The following KAZN variants were observed in gnomAD, a reference collection of about 807,000 sequenced individuals.
KAZN encodes the protein kazrin, periplakin interacting protein, also known as kazrin.
KAZN carries 40 observed loss-of-function variants against 87.4 expected under a neutral mutation model. The ratio of observed to expected loss-of-function variants is 0.46; its 90% CI spans 0.36 to 0.60. KAZN has a LOEUF of 0.60. Among genes scored for constraint, KAZN ranks in the 20% least tolerant of loss-of-function variants. The pLI is 0.00. For missense variants in KAZN, 898 were observed against 1,073.9 expected, an observed-to-expected ratio of 0.84 and a Z score of 2.29; for synonymous variants, 466 against 458.3, an observed-to-expected ratio of 1.02 and a Z score of -0.22.
chr1:14,569,405 C>CT (rs2148542050), intron 2 of KAZN, among the ~76,000 whole-genome samples: 1 of 139,488 alleles, frequency 7.2e-6, no homozygotes, highest in African/African-American at 2.6e-5. Flanking sequence ...TCACTGCAAT[C>CT]TCCGCCTCCC....
intron 2 of KAZN, among the ~76,000 whole-genome samples, chr1:15,006,108 A>C (rs553810693): frequency 4.8e-4 from 73 of 152,320 alleles, no homozygotes; most frequent in African/African-American, 1.7e-3. Flanking sequence ...TATTCTGCCA[A>C]ACCCACTCAC....
At chr1:14,132,375 G>A (rs189003682) in intron 1 of KAZN, among the ~76,000 whole-genome samples, 6 of 152,288 alleles carry the variant, frequency 3.9e-5, no homozygotes, top group East Asian at 3.9e-4. Flanking sequence ...CAGGGTCCTA[G>A]GAACTGGGTG....
intron 1 of KAZN, among the ~76,000 whole-genome samples, chr1:14,891,025 T>C (rs907666899): frequency 1.3e-5 from 2 of 150,792 alleles, no homozygotes; most frequent in Non-Finnish European, 2.9e-5. Context: ...TTTGTATTTT[T>C]AGTAGAGATG....
intron 2 of KAZN, among the ~76,000 whole-genome samples, chr1:14,584,048 T>C (rs1018663503): frequency 1.3e-5 from 2 of 152,148 alleles, no homozygotes; most frequent in African/African-American, 4.8e-5. Flanking sequence ...ATGTGTTGCG[T>C]GTGGACATGC....
intron 1 of KAZN, among the ~76,000 whole-genome samples, chr1:14,078,472 T>C (rs982203522): frequency 6.6e-6 from 1 of 152,236 alleles, no homozygotes; most frequent in African/African-American, 2.4e-5. Flanking sequence ...AAATCTGTCT[T>C]AGTCCATTTG....
chr1:14,176,128 G>A (rs6702418), intron 1 of KAZN, among the ~76,000 whole-genome samples: 17,520 of 152,170 alleles, frequency 0.12, 1,146 homozygotes, highest in East Asian at 0.34. Flanking sequence ...GTCACTTCTG[G>A]TTTAAAAGTG....
In KAZN at chr1:14,598,919, G is replaced by T; in HGVS notation, c.-79G>T. On this transcript the variant is annotated 5_prime_UTR_variant, in exon 1 of 15. Coordinates refer to ENST00000376030, the MANE Select transcript of KAZN (RefSeq NM_201628.3). This position sits in a 1 kb window ranked among gnomAD's most constrained non-coding sequence, Gnocchi z 4.2. ...CGCGGAGGACACAACAGGTAGAGCC[G>T]GGGGTGCCCGGCCGCGCGCCCCCCG... 1 of 1,550,722 alleles carries T rather than the reference G, an allele frequency of 6.4e-7. No individual in the cohort carries two copies. The highest frequency in any genetic ancestry group is 8.7e-7 in the Non-Finnish European group (1 of 1,153,628).
chr1:14,535,993 C>G (rs183993008), intron 2 of KAZN, among the ~76,000 whole-genome samples: 2 of 152,158 alleles, frequency 1.3e-5, no homozygotes, highest in African/African-American at 4.8e-5. Flanking sequence ...CTCTCTGGGG[C>G]AGCCAAAGCA....
intron 2 of KAZN, among the ~76,000 whole-genome samples, chr1:14,551,930 A>G (rs1673549109): frequency 6.6e-6 from 1 of 151,852 alleles, no homozygotes; most frequent in South Asian, 2.1e-4. Flanking sequence ...ACTCTTCTCT[A>G]CTCATTACCG....
At chr1:15,031,553 GTGTGTTGTGT>G (rs139569205) in intron 2 of KAZN, among the ~76,000 whole-genome samples, 4,303 of 146,370 alleles carry the variant, frequency 0.029, 220 homozygotes, top group African/African-American at 0.1. Context: ...GCTACTCAGG[GTGTGTTGTGT>G]TGTGTTGTGT....
At chr1:14,141,017 G>A (rs1645223749) in intron 1 of KAZN, among the ~76,000 whole-genome samples, 1 of 152,076 alleles carries the variant, frequency 6.6e-6, no homozygotes, top group South Asian at 2.1e-4. Flanking sequence ...CAACTAGGAT[G>A]GTCCCTGTGG....
chr1:14,723,929 C>G (rs1258418277), intron 1 of KAZN, among the ~76,000 whole-genome samples: 3 of 152,192 alleles, frequency 2.0e-5, no homozygotes, highest in African/African-American at 7.2e-5. Context: ...AAGTTTCTGT[C>G]CACACATGAG....
chr1:14,194,971 T>C (rs946453556), intron 2 of KAZN, among the ~76,000 whole-genome samples: 3 of 152,072 alleles, frequency 2.0e-5, no homozygotes. Context: ...TTGGTTGGAG[T>C]ATTCAAGTAT....
chr1:14,910,777 A>G (rs1425043780), intron 1 of KAZN, among the ~76,000 whole-genome samples: 1 of 152,222 alleles, frequency 6.6e-6, no homozygotes, highest in African/African-American at 2.4e-5. Flanking sequence ...GGCCAGGCAG[A>G]AATTGTGGTC....
chr1:14,755,652 A>G (rs1230111240), intron 1 of KAZN, among the ~76,000 whole-genome samples: 1 of 152,112 alleles, frequency 6.6e-6, no homozygotes, highest in Non-Finnish European at 1.5e-5. Context: ...CTCATTTGCC[A>G]CTTTGCAGGG....
intron 2 of KAZN, among the ~76,000 whole-genome samples, chr1:14,997,201 TTTCATTTA>T (rs542291768): frequency 0.026 from 3,504 of 137,394 alleles, 71 homozygotes; most frequent in Middle Eastern, 0.038. Context: ...TCTTTCTTTC[TTTCATTTA>T]TTTATTTATT....
chr1:13,971,833 T>C (rs1179200687), intron 1 of KAZN, among the ~76,000 whole-genome samples: 1 of 152,128 alleles, frequency 6.6e-6, no homozygotes, highest in African/African-American at 2.4e-5. Context: ...TCTGGTTGTT[T>C]AAAAGTGTGT....
intron 1 of KAZN, among the ~76,000 whole-genome samples, chr1:13,982,328 G>C (rs6658597): frequency 0.18 from 26,699 of 152,108 alleles, 2,617 homozygotes; most frequent in African/African-American, 0.24. Flanking sequence ...GTTCTTAAGG[G>C]AGCGCGTCTG....
chr1:14,259,784 TAGA>T lies in KAZN; in HGVS notation c.249+79195_249+79197del, dbSNP rs1466686971. Among the ~76,000 whole-genome samples, 3 of 152,190 alleles carry T rather than the reference TAGA, an allele frequency of 2.0e-5. No homozygotes were observed. In the South Asian group the frequency reaches 6.2e-4, roughly 32 times the overall value. On this transcript the variant is annotated intron_variant, in intron 2 of 16. Transcript: ENST00000636203. ...GGCCTTCAGAAGGCTTTGGAAAAAC[TAGA>T]AGGTTTTCTCAATGACTTCATCCCA...
Sources: gnomAD v4.1 joint callset for allele counts (sites outside exome capture counted in the v4.1 genomes callset) on GRCh38, gnomAD v4.1.1 for gene constraint, Gnocchi (gnomAD v3.1) non-coding constraint, MANE v1.5 for transcripts, NCBI Gene and HGNC (gene_info 2026-07-23, HGNC 2026-07-21) for gene names.